PDE2A: variants seen among roughly 807,000 people sequenced by gnomAD.
The protein encoded by PDE2A is cGMP-dependent 3',5'-cyclic phosphodiesterase.
A neutral mutation model predicts 133.6 loss-of-function variants in PDE2A; 53 were observed. The ratio of observed to expected loss-of-function variants is 0.40; its 90% confidence interval spans 0.32 to 0.50. The LOEUF is 0.50. Ranked by LOEUF, PDE2A falls within the 20% of genes least tolerant of loss-of-function variation. The probability of loss-of-function intolerance (pLI) is 0.73; values close to 1 mark genes in which losing one functional copy is unlikely to be tolerated. For missense variants in PDE2A, 796 were observed against 1,232.4 expected (o/e 0.65, Z 5.30); for synonymous variants, 491 against 490.2 (o/e 1.00, Z -0.02).
Position 72,599,090 on chromosome 11 carries a change from A to C in PDE2A, c.324-1471T>G, listed in dbSNP as rs78799431. 1,087 of 948,868 alleles carry C rather than the reference A, an allele frequency of 1.1e-3. 6 individuals carry two copies. The African/African-American group carries it at 0.018, about 16-fold the overall frequency. 58.8% of individuals were successfully genotyped at this position (948,868 alleles called of 1,614,324 possible). Reference sequence around the variant, plus strand: ...TCCTTGGCCTCAGACAATCTGGTTAACCGGAGGCCACAAGGTGGCACTGGT... The same window carrying C: ...TCCTTGGCCTCAGACAATCTGGTTACCCGGAGGCCACAAGGTGGCACTGGT... On this transcript the variant is annotated intron_variant, in intron 4 of 30. Transcript: ENST00000334456.
intron 4 of PDE2A, chr11:72,598,373 G>T: frequency 2.0e-6 from 1 of 498,156 alleles, no homozygotes; most frequent in Non-Finnish European, 3.5e-6. Context: ...GAGTGGCAGG[G>T]TATGACAGTG....
chr11:72,631,993 C>T (rs991254102), intron 2 of PDE2A, among the ~76,000 whole-genome samples: 4 of 152,162 alleles, frequency 2.6e-5, no homozygotes, highest in Non-Finnish European at 5.9e-5. Context: ...GGTGCAGGGG[C>T]TGATTTGATT....
intron 10 of PDE2A, 57 bp from the exon 11 acceptor site, chr11:72,589,849 G>A (rs1217577326): frequency 1.2e-6 from 2 of 1,609,054 alleles, no homozygotes; most frequent in Non-Finnish European, 1.7e-6. Context: ...TTCCCCCTCG[G>A]AGACCCGAGT....
chr11:72,655,506 C>T (rs117244798), intron 1 of PDE2A, among the ~76,000 whole-genome samples: 3,406 of 151,694 alleles, frequency 0.022, 70 homozygotes, highest in Non-Finnish European at 0.029. Context: ...TGTGTGTGCA[C>T]GCACGTGTGT....
chr11:72,629,799 C>G (rs536997525), intron 2 of PDE2A, among the ~76,000 whole-genome samples: 1 of 152,310 alleles, frequency 6.6e-6, no homozygotes, highest in South Asian at 2.1e-4. Context: ...GCTGAATGAT[C>G]CCTCTGGGCC....
At chr11:72,610,657 C>T (rs2135367257) in intron 2 of PDE2A, among the ~76,000 whole-genome samples, 1 of 152,320 alleles carries the variant, frequency 6.6e-6, no homozygotes. Context: ...GATGTCTACC[C>T]TCAGACATCA....
At position 72,590,318 on chromosome 11, in the gene PDE2A, A is replaced by G; in HGVS notation, c.704-74T>C. 1 of 1,539,134 alleles carries G rather than the reference A, an allele frequency of 6.5e-7. No homozygotes were observed. The highest frequency in any genetic ancestry group is 8.8e-7 in the Non-Finnish European group (1 of 1,136,950). The stretch of plus-strand genomic sequence containing the variant: ...TGTCCGGGTCCCTCAGGCGCCGCTC[A>G]GCTCCGCGCCGGGCCCGCCGCCGGC... On this transcript the variant is annotated intron_variant, in intron 8 of 30. Transcript: ENST00000334456. This position sits in a 1 kb window ranked among gnomAD's most constrained non-coding sequence, Gnocchi z 4.8.
intron 2 of PDE2A, among the ~76,000 whole-genome samples, chr11:72,617,317 G>A (rs1857523717): frequency 6.6e-6 from 1 of 152,218 alleles, no homozygotes; most frequent in African/African-American, 2.4e-5. Flanking sequence ...GGCTGGTGGG[G>A]TGGATGGCGG....
At chr11:72,638,839 G>A (rs1858823983) in intron 2 of PDE2A, among the ~76,000 whole-genome samples, 1 of 152,222 alleles carries the variant, frequency 6.6e-6, no homozygotes, top group Non-Finnish European at 1.5e-5. Context: ...AAGGCTGGAG[G>A]CCCAGGGATG....
In PDE2A at chr11:72,596,768, C is replaced by G. The variant is rs114602101; in HGVS notation, c.434-120G>C. 1,007 of 498,710 alleles carry G rather than the reference C, an allele frequency of 2.0e-3. 5 individuals carry two copies. Among genetic ancestry groups the G allele is most frequent in the African/African-American group, 0.018 (906 of 50,274 alleles). 30.9% of individuals were successfully genotyped at this position (498,710 alleles called of 1,614,324 possible). On this transcript the variant is annotated intron_variant, in intron 5 of 30. Transcript: ENST00000334456. ...AAAGAGAGGCCAGGACAGAGACACA[C>G]AGAGACCCCAAAACCCACAGAAACA...
chr11:72,653,447 G>T (rs1014094389), intron 1 of PDE2A, among the ~76,000 whole-genome samples: 3 of 152,170 alleles, frequency 2.0e-5, no homozygotes, highest in African/African-American at 7.2e-5. Flanking sequence ...AGGCAGGGGG[G>T]TCCTGATTCC....
intron 4 of PDE2A, among the ~76,000 whole-genome samples, chr11:72,600,308 T>C (rs1023271025): frequency 1.3e-5 from 2 of 152,292 alleles, no homozygotes; most frequent in Middle Eastern, 3.4e-3. Flanking sequence ...ATCATCTTAG[T>C]GGCCCTGGAC....
At chr11:72,592,332 C>T (rs1033208232) in intron 6 of PDE2A, among the ~76,000 whole-genome samples, 6 of 152,218 alleles carry the variant, frequency 3.9e-5, no homozygotes, top group African/African-American at 1.4e-4. Flanking sequence ...TTCCTCCTCC[C>T]TCCCCAGTCA....
chr11:72,626,407 G>A (rs1045984934), intron 2 of PDE2A, among the ~76,000 whole-genome samples: 5 of 152,228 alleles, frequency 3.3e-5, no homozygotes. Flanking sequence ...AGATGCTAAG[G>A]CCAACTTGTT....
At chr11:72,650,019 C>CT (rs746774086) in intron 1 of PDE2A, among the ~76,000 whole-genome samples, 2,825 of 129,120 alleles carry the variant, frequency 0.022, 44 homozygotes, top group Non-Finnish European at 0.032. Context: ...AGCCCTGAGA[C>CT]TTTTTTTTTT....
At chr11:72,612,012 T>G (rs1354036122) in intron 2 of PDE2A, among the ~76,000 whole-genome samples, 1 of 151,950 alleles carries the variant, frequency 6.6e-6, no homozygotes, top group African/African-American at 2.4e-5. Flanking sequence ...AGCAGGGAGA[T>G]TCCTGAATTG....
At chr11:72,670,358 T>A (rs1448930479) in intron 1 of PDE2A, among the ~76,000 whole-genome samples, 1 of 152,144 alleles carries the variant, frequency 6.6e-6, no homozygotes, top group East Asian at 1.9e-4. Context: ...AATGAATGAA[T>A]GATGAGTCCT....
chr11:72,584,464 C>T lies in PDE2A; in HGVS notation c.1537+87G>A, dbSNP rs767406767. 16 of 1,431,492 alleles carry T rather than the reference C, an allele frequency of 1.1e-5. No individual in the cohort carries two copies. The African/African-American group carries it at 2.0e-4, about 18-fold the overall frequency. The allele number at this position is 1,431,492 out of a possible 1,614,324, so 88.7% of individuals were successfully genotyped here. Reference sequence around the variant, plus strand: ...CCCTTATGCTCCGGGACGCTGGAGGCGGTGGGGAAGTGTTGCCACCCCCGC... The same window carrying T: ...CCCTTATGCTCCGGGACGCTGGAGGTGGTGGGGAAGTGTTGCCACCCCCGC... On this transcript the variant is annotated intron_variant, in intron 18 of 30. Coordinates refer to ENST00000334456, the MANE Select transcript of PDE2A (RefSeq NM_002599.5).
At chr11:72,651,631 G>A (rs545595891) in intron 1 of PDE2A, among the ~76,000 whole-genome samples, 51 of 152,312 alleles carry the variant, frequency 3.3e-4, no homozygotes, top group African/African-American at 1.2e-3. Context: ...GTGAATACAT[G>A]AGAAGAGGCT....
Sources: allele counts gnomAD v4.1 joint callset (sites outside exome capture counted in the v4.1 genomes callset), GRCh38; gene constraint gnomAD v4.1.1; non-coding constraint Gnocchi (gnomAD v3.1); transcripts MANE v1.5; gene names NCBI Gene and HGNC (gene_info 2026-07-23, HGNC 2026-07-21).